Variants in DPYD observed in about 807,000 individuals in gnomAD.
DPYD encodes the protein dihydropyrimidine dehydrogenase.
In DPYD, 109 loss-of-function variants were observed where a neutral mutation model predicts 116.2. The ratio of observed to expected loss-of-function variants is 0.94; its 90% CI spans 0.80 to 1.10. The LOEUF is 1.10. Among genes scored for constraint, DPYD ranks in the 50% least tolerant of loss-of-function variants. The pLI is 0.00. For missense variants in DPYD, 1,302 were observed against 1,254.5 expected, an observed-to-expected ratio of 1.04 and a Z score of -0.57; for synonymous variants, 440 against 432.0, an observed-to-expected ratio of 1.02 and a Z score of -0.23.
At chr1:97,582,048 G>A (rs778862222) in intron 10 of DPYD, among the ~76,000 whole-genome samples, 6 of 152,272 alleles carry the variant, frequency 3.9e-5, no homozygotes, top group East Asian at 1.9e-4. Context: ...TTGGCATGGC[G>A]TATCTGTTAG....
intron 18 of DPYD, among the ~76,000 whole-genome samples, chr1:97,267,947 C>T (rs1346544491): frequency 2.0e-5 from 3 of 152,216 alleles, no homozygotes; most frequent in African/African-American, 7.2e-5. Flanking sequence ...CACAATTCAT[C>T]TTGAGGCAAA....
At chr1:97,571,622 A>G (rs1395948135) in intron 11 of DPYD, among the ~76,000 whole-genome samples, 1 of 151,978 alleles carries the variant, frequency 6.6e-6, no homozygotes, top group Non-Finnish European at 1.5e-5. Context: ...CATATGTGAT[A>G]ATCACTAGGT....
intron 10 of DPYD, among the ~76,000 whole-genome samples, chr1:97,576,272 A>C (rs1350650985): frequency 6.6e-6 from 1 of 152,198 alleles, no homozygotes; most frequent in South Asian, 2.1e-4. Flanking sequence ...TTGACTGAAT[A>C]ACAACTCCAA....
At chr1:97,546,866 G>A in intron 12 of DPYD, 7 of 1,609,928 alleles carry the variant, frequency 4.3e-6, no homozygotes, top group Non-Finnish European at 5.9e-6. Flanking sequence ...CACCCACAGT[G>A]GGATACAGCA....
Position 97,473,516 on chromosome 1 carries a change from C to CAA in DPYD, c.1741-23295_1741-23294dup, listed in dbSNP as rs563967573. ...CTTCCAAAGAAGATTCACAAAGAGC[C>CAA]AAAAAGTATATGAAGAGGTGCTCAA... On this transcript the variant is annotated intron_variant, in intron 13 of 22. Transcript: ENST00000370192. Among the ~76,000 whole-genome samples the CAA allele has an allele frequency of 2.1e-3, 312 of 152,076 alleles. 5 individuals carry two copies. The highest frequency in any genetic ancestry group is 6.5e-3 in the African/African-American group (270 of 41,470).
chr1:97,191,277 T>C (rs183939601), intron 20 of DPYD, among the ~76,000 whole-genome samples: 22 of 152,236 alleles, frequency 1.4e-4, no homozygotes, highest in Middle Eastern at 3.4e-3. Flanking sequence ...CCAGAGTACT[T>C]TGATTCACTA....
At chr1:97,814,918 A>AAAGAAAGGGG (rs3075433) in intron 3 of DPYD, among the ~76,000 whole-genome samples, 1 of 85,582 alleles carries the variant, frequency 1.2e-5, no homozygotes. Context: ...AAAAAAAAAA[A>AAAGAAAGGGG]AAAGAAAGAG....
intron 13 of DPYD, among the ~76,000 whole-genome samples, chr1:97,484,111 C>T (rs1029796847): frequency 6.6e-6 from 1 of 152,156 alleles, no homozygotes; most frequent in Non-Finnish European, 1.5e-5. Context: ...TTGAGACCAG[C>T]CTGGCCAACA....
chr1:97,750,039 T>A (rs1664786776), intron 3 of DPYD, among the ~76,000 whole-genome samples: 1 of 152,152 alleles, frequency 6.6e-6, no homozygotes, highest in South Asian at 2.1e-4. Context: ...ATTATCTTCT[T>A]AATTTTTGAA....
chr1:97,539,004 T>C (rs966148134), intron 12 of DPYD, among the ~76,000 whole-genome samples: 15 of 152,190 alleles, frequency 9.9e-5, no homozygotes, highest in Admixed American at 4.6e-4. Context: ...GGATAAAGTT[T>C]GCTGAAGAAA....
At chr1:97,745,102 A>G (rs1664475159) in intron 3 of DPYD, among the ~76,000 whole-genome samples, 1 of 151,946 alleles carries the variant, frequency 6.6e-6, no homozygotes, top group African/African-American at 2.4e-5. Context: ...AGCCCTTCCT[A>G]TGTACTTCTG....
intron 7 of DPYD, among the ~76,000 whole-genome samples, chr1:97,683,928 T>C (rs1224106453): frequency 6.6e-6 from 1 of 152,198 alleles, no homozygotes; most frequent in Admixed American, 6.5e-5. Context: ...ACATGGATGC[T>C]GACAAAGATT....
At chr1:97,524,662 C>T (rs1648922965) in intron 12 of DPYD, among the ~76,000 whole-genome samples, 2 of 152,142 alleles carry the variant, frequency 1.3e-5, no homozygotes, top group South Asian at 4.1e-4. Flanking sequence ...ACATTGTGTG[C>T]TAATCATCTC....
chr1:97,347,818 A>G (rs762512500), intron 16 of DPYD, among the ~76,000 whole-genome samples: 3 of 152,106 alleles, frequency 2.0e-5, no homozygotes, highest in Non-Finnish European at 2.9e-5. Context: ...TAGTGAGACC[A>G]CAATAAACAT....
intron 2 of DPYD, among the ~76,000 whole-genome samples, chr1:97,876,475 C>T (rs1419758320): frequency 6.6e-6 from 1 of 151,984 alleles, no homozygotes; most frequent in Non-Finnish European, 1.5e-5. Flanking sequence ...CTGGCATTGC[C>T]TGCCCTCGCC....
chr1:97,252,035 G>A (rs1663134150), intron 18 of DPYD, among the ~76,000 whole-genome samples: 1 of 141,962 alleles, frequency 7.0e-6, no homozygotes, highest in Non-Finnish European at 1.6e-5. Context: ...ACTCAAGGGT[G>A]TTATTCCTAT....
At chr1:97,706,118 A>T (rs1261893646) in intron 5 of DPYD, among the ~76,000 whole-genome samples, 2 of 151,734 alleles carry the variant, frequency 1.3e-5, no homozygotes, top group African/African-American at 4.9e-5. Flanking sequence ...ACCCACTTAG[A>T]ATATGTTATA....
chr1:97,676,914 A>C (rs1438354250), intron 8 of DPYD, among the ~76,000 whole-genome samples: 1 of 152,194 alleles, frequency 6.6e-6, no homozygotes, highest in Non-Finnish European at 1.5e-5. Context: ...CCAAAATGTC[A>C]AAGATTCACT....
intron 15 of DPYD, among the ~76,000 whole-genome samples, chr1:97,375,854 T>C (rs1163023034): frequency 2.6e-5 from 4 of 152,256 alleles, no homozygotes; most frequent in African/African-American, 9.6e-5. Flanking sequence ...GACTTCTCTA[T>C]TTAACTGAAA....
Sources: allele counts gnomAD v4.1 joint callset (sites outside exome capture counted in the v4.1 genomes callset), GRCh38; gene constraint gnomAD v4.1.1; transcripts MANE v1.5; gene names NCBI Gene and HGNC (gene_info 2026-07-23, HGNC 2026-07-21).